SH3D19: variants seen among roughly 807,000 people sequenced by gnomAD.
SH3D19 encodes the protein SH3 domain containing 19.
A neutral mutation model predicts 112.1 loss-of-function variants in SH3D19; 58 were observed. The observed-to-expected ratio is 0.52, with a 90% CI of 0.42 to 0.64. The LOEUF is 0.64. Ranked by LOEUF, SH3D19 falls within the 30% of genes least tolerant of loss-of-function variation. SH3D19 has a pLI of 0.00. For synonymous variants in SH3D19, 391 were observed against 448.5 expected (o/e 0.87, Z 1.62); for missense variants, 1,090 against 1,263.4 (o/e 0.86, Z 2.08).
At chr4:151,323,820 A>G (rs568052049) in intron 1 of SH3D19, among the ~76,000 whole-genome samples, 1 of 152,340 alleles carries the variant, frequency 6.6e-6, no homozygotes, top group South Asian at 2.1e-4. Context: ...ACACATCTGG[A>G]TCACATCTAG....
chr4:151,148,397 C>A (rs1021404333), intron 10 of SH3D19, among the ~76,000 whole-genome samples: 16 of 152,128 alleles, frequency 1.1e-4, no homozygotes, highest in Non-Finnish European at 2.2e-4. Flanking sequence ...GAGGAAATGC[C>A]ATGATGTTCC....
At chr4:151,220,726 G>A (rs2149934084) in intron 2 of SH3D19, among the ~76,000 whole-genome samples, 1 of 152,324 alleles carries the variant, frequency 6.6e-6, no homozygotes, top group East Asian at 1.9e-4. Flanking sequence ...TTAAACGAGT[G>A]TGTAGTATAG....
chr4:151,249,106 T>C (rs1024768902), intron 1 of SH3D19, among the ~76,000 whole-genome samples: 4 of 152,256 alleles, frequency 2.6e-5, no homozygotes, highest in African/African-American at 9.6e-5. Context: ...CACTCAAGGG[T>C]ATGTAATTAT....
intron 1 of SH3D19, among the ~76,000 whole-genome samples, chr4:151,315,871 T>C (rs1235474925): frequency 1.3e-5 from 2 of 152,220 alleles, no homozygotes; most frequent in Non-Finnish European, 2.9e-5. Flanking sequence ...AGCATAATTC[T>C]TTACTCCTTA....
intron 1 of SH3D19, chr4:151,291,056 A>G: frequency 7.6e-7 from 1 of 1,314,708 alleles, no homozygotes; most frequent in Non-Finnish European, 1.1e-6. Context: ...TCCACCCCTT[A>G]TTACTACTCT....
chr4:151,229,035 A>ATTT lies in SH3D19; in HGVS notation c.113-2952_113-2950dup, dbSNP rs34078148. On this transcript the variant is annotated intron_variant, in intron 1 of 19. Coordinates refer to ENST00000604030, the MANE Select transcript of SH3D19 (RefSeq NM_001378122.1). Reference sequence around the variant, plus strand: ...CATGCCACCACGCCTAGCTAATTAAATTTTTTTTTTTTTTTTTGTAGAGAC... The same window carrying ATTT: ...CATGCCACCACGCCTAGCTAATTAAATTTTTTTTTTTTTTTTTTTTGTAGAGAC... 3.2e-4 allele frequency among the ~76,000 whole-genome samples: 44 copies of ATTT among 136,792 alleles called. 1 individual carries two copies. Among genetic ancestry groups the ATTT allele is most frequent in the African/African-American group, 9.2e-4 (34 of 36,996 alleles). The allele number at this position is 136,792 out of a possible 152,430, so 89.7% of individuals were successfully genotyped here.
chr4:151,216,791 A>T (rs1220343670), intron 2 of SH3D19, among the ~76,000 whole-genome samples: 3 of 152,156 alleles, frequency 2.0e-5, no homozygotes, highest in Non-Finnish European at 4.4e-5. Context: ...CCCAACTGCT[A>T]CACCATATAC....
chr4:151,220,993 C>T (rs1767945130), intron 2 of SH3D19, among the ~76,000 whole-genome samples: 1 of 152,292 alleles, frequency 6.6e-6, no homozygotes, highest in African/African-American at 2.4e-5. Flanking sequence ...ATCAATCAAT[C>T]GGCAGCAAGC....
intron 2 of SH3D19, among the ~76,000 whole-genome samples, chr4:151,215,938 GC>G (rs781074062): frequency 2.0e-5 from 3 of 151,774 alleles, no homozygotes; most frequent in Non-Finnish European, 4.4e-5. Context: ...TGATTTTCCT[GC>G]CTCAAGCCTC....
chr4:151,318,203 A>G (rs1261147668), intron 1 of SH3D19, among the ~76,000 whole-genome samples: 1 of 146,756 alleles, frequency 6.8e-6, no homozygotes, highest in Non-Finnish European at 1.5e-5. Context: ...TGGGAGGCCG[A>G]GGCAGGAGAA....
At chr4:151,218,248 T>C (rs935551776) in intron 2 of SH3D19, among the ~76,000 whole-genome samples, 1 of 152,184 alleles carries the variant, frequency 6.6e-6, no homozygotes, top group Non-Finnish European at 1.5e-5. Context: ...CTGAAGTGTT[T>C]AATCAATTTT....
intron 2 of SH3D19, among the ~76,000 whole-genome samples, chr4:151,202,663 A>C (rs1263956954): frequency 1.3e-5 from 2 of 152,240 alleles, no homozygotes; most frequent in Non-Finnish European, 2.9e-5. Context: ...GTGAATGGAT[A>C]GATGGAGGGA....
chr4:151,280,169 T>C (rs1774075902), intron 1 of SH3D19, among the ~76,000 whole-genome samples: 1 of 69,534 alleles, frequency 1.4e-5, no homozygotes, highest in African/African-American at 3.4e-5. Context: ...TTAAAGACTT[T>C]TCTTATTTTT....
intron 7 of SH3D19, among the ~76,000 whole-genome samples, chr4:151,169,095 A>G (rs1264500328): frequency 6.6e-6 from 1 of 152,168 alleles, no homozygotes; most frequent in Non-Finnish European, 1.5e-5. Context: ...GATCTCACCT[A>G]TTCTGTTAAA....
intron 17 of SH3D19, among the ~76,000 whole-genome samples, chr4:151,129,628 C>A (rs1750182282): frequency 6.6e-6 from 1 of 152,168 alleles, no homozygotes; most frequent in Non-Finnish European, 1.5e-5. Flanking sequence ...CCTTGGCCTC[C>A]CAAGGTGCTG....
intron 2 of SH3D19, among the ~76,000 whole-genome samples, chr4:151,207,372 A>G (rs376665567): frequency 1.9e-4 from 29 of 152,312 alleles, no homozygotes; most frequent in African/African-American, 7.0e-4. Flanking sequence ...ACCATTAGCT[A>G]TTTTACTTCT....
chr4:151,185,861 G>A (rs953374475), intron 3 of SH3D19, among the ~76,000 whole-genome samples: 2 of 152,112 alleles, frequency 1.3e-5, no homozygotes, highest in African/African-American at 4.8e-5. Context: ...CCAATGTGGT[G>A]AAATCCCATC....
chr4:151,290,738 C>A (rs1177211559), intron 1 of SH3D19, among the ~76,000 whole-genome samples: 1 of 152,178 alleles, frequency 6.6e-6, no homozygotes, highest in Admixed American at 6.5e-5. Flanking sequence ...CTACCAACAA[C>A]TATCACTATC....
intron 8 of SH3D19, among the ~76,000 whole-genome samples, chr4:151,160,458 A>G (rs1175657763): frequency 6.6e-6 from 1 of 152,244 alleles, no homozygotes; most frequent in Non-Finnish European, 1.5e-5. Flanking sequence ...CAATACCTTT[A>G]CATCCAAACC....
Sources: gnomAD v4.1 joint callset for allele counts (sites outside exome capture counted in the v4.1 genomes callset) on GRCh38, gnomAD v4.1.1 for gene constraint, MANE v1.5 for transcripts, NCBI Gene and HGNC (gene_info 2026-07-23, HGNC 2026-07-21) for gene names.